The following CPQ variants were observed in gnomAD, a reference collection of about 807,000 sequenced individuals.
CPQ encodes Ser-Met dipeptidase.
Under a neutral mutation model 45.7 loss-of-function variants are expected in CPQ, and 37 were observed. That is an observed-to-expected ratio of 0.81 (90% CI 0.62 to 1.07). The LOEUF is 1.07. CPQ is among the 50% of genes least tolerant of loss of function. The pLI, the probability that CPQ is intolerant of heterozygous loss-of-function variation, is 0.00. For missense variants in CPQ, 537 were observed against 572.9 expected (o/e 0.94, Z 0.64); for synonymous variants, 186 against 205.8 (o/e 0.90, Z 0.82).
chr8:96,759,561 T>G (rs1810372031), intron 1 of CPQ, among the ~76,000 whole-genome samples: 1 of 152,154 alleles, frequency 6.6e-6, no homozygotes. Context: ...CCATCTAAAA[T>G]TTCTATGCTG....
intron 1 of CPQ, among the ~76,000 whole-genome samples, chr8:96,737,176 TA>T (rs1809993605): frequency 6.7e-6 from 1 of 150,078 alleles, no homozygotes; most frequent in African/African-American, 2.4e-5. Flanking sequence ...TTAACTTTTC[TA>T]AGTTGAAGGT....
intron 4 of CPQ, among the ~76,000 whole-genome samples, chr8:96,881,398 G>T (rs1350444026): frequency 1.3e-5 from 2 of 152,086 alleles, no homozygotes; most frequent in Admixed American, 1.3e-4. Flanking sequence ...TAAACAACCA[G>T]ATCTCATGAG....
intron 5 of CPQ, among the ~76,000 whole-genome samples, chr8:97,013,095 C>G (rs1809518120): frequency 6.6e-6 from 1 of 152,022 alleles, no homozygotes. Context: ...ACCCCACCTG[C>G]CCAAGACCAG....
At chr8:96,966,678 T>C (rs1563541231) in intron 5 of CPQ, among the ~76,000 whole-genome samples, 1 of 152,222 alleles carries the variant, frequency 6.6e-6, no homozygotes, top group Non-Finnish European at 1.5e-5. Flanking sequence ...GGGAAGCAGT[T>C]GCCCCATTTT....
At chr8:96,899,611 G>A (rs1031119934) in intron 4 of CPQ, among the ~76,000 whole-genome samples, 3 of 152,006 alleles carry the variant, frequency 2.0e-5, no homozygotes, top group Non-Finnish European at 4.4e-5. Context: ...GAGAGAGAGT[G>A]GGAGGAGAGG....
At chr8:97,069,086 C>T (rs1810690821) in intron 7 of CPQ, among the ~76,000 whole-genome samples, 1 of 152,204 alleles carries the variant, frequency 6.6e-6, no homozygotes, top group South Asian at 2.1e-4. Context: ...TATCTTCTCA[C>T]ATTCTTTGTT....
intron 3 of CPQ, among the ~76,000 whole-genome samples, chr8:96,862,707 T>C (rs965671869): frequency 2.6e-5 from 4 of 152,126 alleles, no homozygotes; most frequent in African/African-American, 9.7e-5. Flanking sequence ...CTTGCAGTTA[T>C]AAAAACCCTG....
intron 4 of CPQ, among the ~76,000 whole-genome samples, chr8:96,928,982 T>C (rs192613709): frequency 1.7e-4 from 26 of 152,316 alleles, no homozygotes; most frequent in Non-Finnish European, 1.5e-5. Context: ...TTAAAACCTA[T>C]ATATTTAAAA....
intron 1 of CPQ, among the ~76,000 whole-genome samples, chr8:96,669,540 T>A (rs773455381): frequency 2.0e-5 from 3 of 151,926 alleles, no homozygotes; most frequent in Non-Finnish European, 4.4e-5. Flanking sequence ...GGGTTTCAAT[T>A]GAAAATTACT....
At chr8:96,817,636 CAG>C (rs1563504463) in intron 2 of CPQ, among the ~76,000 whole-genome samples, 1 of 151,088 alleles carries the variant, frequency 6.6e-6, no homozygotes, top group East Asian at 1.9e-4. Context: ...ATTATTGAGA[CAG>C]AGTCTTGCTC....
intron 4 of CPQ, among the ~76,000 whole-genome samples, chr8:96,886,474 C>T (rs1051354683): frequency 6.6e-6 from 1 of 152,206 alleles, no homozygotes; most frequent in African/African-American, 2.4e-5. Context: ...AAACTTCTTA[C>T]CATCTGTGAA....
At position 96,708,809 on chromosome 8, in the gene CPQ, G is replaced by A. The variant is rs544188464; in HGVS notation, c.-35+63407G>A. Among the ~76,000 whole-genome samples, 11 of 152,106 alleles carry A rather than the reference G, an allele frequency of 7.2e-5. No individual in the cohort carries two copies. The South Asian group carries it at 1.7e-3, about 23-fold the overall frequency. ...TTAACCTGCTTTTTCGCAGAGTTAC[G>A]TATCTCAATAAATGGAATTACTACC... On this transcript the variant is annotated intron_variant, in intron 1 of 7. Coordinates refer to ENST00000220763, the MANE Select transcript of CPQ (RefSeq NM_016134.4).
At chr8:97,127,100 C>A (rs150305054) in intron 7 of CPQ, among the ~76,000 whole-genome samples, 232 of 152,180 alleles carry the variant, frequency 1.5e-3, no homozygotes, top group African/African-American at 5.4e-3. Context: ...CTTTTGACCT[C>A]AGGTTAGGTA....
intron 1 of CPQ, among the ~76,000 whole-genome samples, chr8:96,749,119 G>A (rs1383260325): frequency 6.6e-6 from 1 of 151,924 alleles, no homozygotes. Context: ...GCCTCTATGG[G>A]TCCTGGCACA....
chr8:97,078,110 C>G (rs141744287), intron 7 of CPQ, among the ~76,000 whole-genome samples: 1 of 152,246 alleles, frequency 6.6e-6, no homozygotes, highest in African/African-American at 2.4e-5. Flanking sequence ...ATTGTAGTAG[C>G]TATTTTATTG....
intron 7 of CPQ, among the ~76,000 whole-genome samples, chr8:97,096,768 G>T (rs1385666710): frequency 6.6e-6 from 1 of 152,200 alleles, no homozygotes; most frequent in Non-Finnish European, 1.5e-5. Flanking sequence ...CTGCAGAGAG[G>T]GGAAGAGTAT....
chr8:96,892,603 C>A (rs1812392348), intron 4 of CPQ, among the ~76,000 whole-genome samples: 1 of 152,076 alleles, frequency 6.6e-6, no homozygotes, highest in African/African-American at 2.4e-5. Context: ...GGCTTAGAAC[C>A]AGCCAACCTA....
chr8:96,986,809 C>T (rs1808991068), intron 5 of CPQ, among the ~76,000 whole-genome samples: 1 of 152,142 alleles, frequency 6.6e-6, no homozygotes, highest in African/African-American at 2.4e-5. Context: ...ACACGTCTAG[C>T]CCTTTAACTC....
chr8:96,963,770 T>C (rs4565434), intron 4 of CPQ, among the ~76,000 whole-genome samples: 4,189 of 152,272 alleles, frequency 0.028, 127 homozygotes, highest in African/African-American at 0.079. Flanking sequence ...GTGTAACTGC[T>C]ACCCAGATCA....
Sources: gnomAD v4.1 joint callset for allele counts (sites outside exome capture counted in the v4.1 genomes callset) on GRCh38, gnomAD v4.1.1 for gene constraint, MANE v1.5 for transcripts, NCBI Gene and HGNC (gene_info 2026-07-23, HGNC 2026-07-21) for gene names.